SEC14L5: variants seen among roughly 807,000 people sequenced by gnomAD.
SEC14L5 encodes SEC14 like lipid binding 5, also known as SEC14-like protein 5.
A neutral mutation model predicts 84.6 loss-of-function variants in SEC14L5; 96 were observed. The ratio of observed to expected loss-of-function variants is 1.13; its 90% confidence interval spans 0.96 to 1.34. The LOEUF is 1.34. Among genes scored for constraint, SEC14L5 ranks in the 40% most tolerant of loss-of-function variants. The pLI, the probability that SEC14L5 is intolerant of heterozygous loss-of-function variation, is 0.00. For missense variants in SEC14L5, 1,224 were observed against 942.5 expected, an observed-to-expected ratio of 1.30 and a Z score of -3.91; for synonymous variants, 546 against 383.4, an observed-to-expected ratio of 1.42 and a Z score of -4.95.
At chr16:4,970,339 G>T (rs911580124) in intron 2 of SEC14L5, among the ~76,000 whole-genome samples, 1 of 152,130 alleles carries the variant, frequency 6.6e-6, no homozygotes, top group Admixed American at 6.6e-5. Context: ...ATGTTAAGCA[G>T]GGTTTAGCCT....
intron 2 of SEC14L5, among the ~76,000 whole-genome samples, chr16:4,984,484 G>A (rs566406980): frequency 2.0e-5 from 3 of 152,262 alleles, no homozygotes; most frequent in East Asian, 3.9e-4. Flanking sequence ...TACGAATAAT[G>A]TTGCTATAAA....
chr16:4,982,509 A>AC (rs1304467208), intron 2 of SEC14L5, among the ~76,000 whole-genome samples: 1 of 151,388 alleles, frequency 6.6e-6, no homozygotes, highest in Non-Finnish European at 1.5e-5. Flanking sequence ...CCAGCTCTAC[A>AC]CCCCCGCCTG....
intron 14 of SEC14L5, among the ~76,000 whole-genome samples, chr16:5,009,427 G>A (rs149100743): frequency 2.0e-5 from 3 of 152,128 alleles, no homozygotes; most frequent in Non-Finnish European, 4.4e-5. Flanking sequence ...AGGCTCAAGC[G>A]ATCCTCCCAT....
intron 2 of SEC14L5, among the ~76,000 whole-genome samples, chr16:4,981,743 C>A (rs1394466945): frequency 6.6e-6 from 1 of 152,134 alleles, no homozygotes; most frequent in Admixed American, 6.6e-5. Flanking sequence ...ATTAGTGAGC[C>A]TCTCTGGGCA....
chr16:5,009,296 G>A (rs545172579), intron 14 of SEC14L5, among the ~76,000 whole-genome samples: 2 of 152,136 alleles, frequency 1.3e-5, no homozygotes, highest in Admixed American at 1.3e-4. Flanking sequence ...ATCACAGTTA[G>A]GCCCCATCTT....
At chr16:5,008,239 G>A (rs1955755921) in intron 13 of SEC14L5, among the ~76,000 whole-genome samples, 182 bp from the exon 14 acceptor site, 1 of 152,138 alleles carries the variant, frequency 6.6e-6, no homozygotes, top group Non-Finnish European at 1.5e-5. Flanking sequence ...TTATGCCAGT[G>A]ATCTGTTGCA....
intron 2 of SEC14L5, among the ~76,000 whole-genome samples, chr16:4,960,332 C>T (rs975654956): frequency 2.6e-5 from 4 of 152,102 alleles, no homozygotes; most frequent in Admixed American, 6.6e-5. Flanking sequence ...GTTATTACAC[C>T]GAAGTCTTGT....
At chr16:4,995,604 T>C (rs564099541) in intron 6 of SEC14L5, among the ~76,000 whole-genome samples, 1 of 151,860 alleles carries the variant, frequency 6.6e-6, no homozygotes, top group South Asian at 2.1e-4. Context: ...AGGCCTCAGT[T>C]TTATCTTCTC....
At chr16:5,000,618 A>T (rs1011293622) in intron 8 of SEC14L5, 37 bp from the exon 9 acceptor site, 45 of 1,488,242 alleles carry the variant, frequency 3.0e-5, no homozygotes, top group Admixed American at 5.9e-5. Context: ...TCCTCTAAAT[A>T]ACGGGCTCTT....
chr16:5,016,906 T>C lies in SEC14L5; in HGVS notation c.*1936T>C, dbSNP rs899891608. 1.3e-5 allele frequency: 2 copies of C among 152,276 alleles called. No homozygotes were observed. The highest frequency in any genetic ancestry group is 4.8e-5 in the African/African-American group (2 of 41,474). The allele number at this position is 152,276 out of a possible 1,614,324, so 9.4% of individuals were successfully genotyped here. On this transcript the variant is annotated 3_prime_UTR_variant, in exon 16 of 16. Coordinates refer to ENST00000251170, the MANE Select transcript of SEC14L5 (RefSeq NM_014692.2). ...TTTGCACTCTGCGTCAAGGTGTGTG[T>C]GCACATGTGTGCATAAGAGACCGAC...
intron 6 of SEC14L5, among the ~76,000 whole-genome samples, chr16:4,994,928 G>T (rs1038941925): frequency 2.0e-5 from 3 of 152,106 alleles, no homozygotes; most frequent in Non-Finnish European, 2.9e-5. Flanking sequence ...GCCCGGGGCC[G>T]GAAGGATGCT....
chr16:5,010,091 C>G (rs1050392626), intron 14 of SEC14L5, among the ~76,000 whole-genome samples: 15 of 150,896 alleles, frequency 9.9e-5, no homozygotes, highest in African/African-American at 3.7e-4. Context: ...GCCTATAATC[C>G]CAGCACTCTG....
chr16:4,984,409 T>C (rs1955463465), intron 2 of SEC14L5, among the ~76,000 whole-genome samples: 2 of 152,402 alleles, frequency 1.3e-5, no homozygotes, highest in South Asian at 4.1e-4. Context: ...ATTTTATGGC[T>C]AGACCACCAC....
chr16:5,015,303 C>G lies in SEC14L5; in HGVS notation c.*333C>G, dbSNP rs1452800132. 1 of 273,876 alleles carries G rather than the reference C, an allele frequency of 3.7e-6. No individual in the cohort carries two copies. The highest frequency in any genetic ancestry group is 6.9e-6 in the Non-Finnish European group (1 of 144,186). 17.0% of individuals were successfully genotyped at this position (273,876 alleles called of 1,614,324 possible). On this transcript the variant is annotated 3_prime_UTR_variant, in exon 16 of 16. Coordinates refer to ENST00000251170, the MANE Select transcript of SEC14L5 (RefSeq NM_014692.2). ...CCATCTCCTCTCTGTCCACCTCTTG[C>G]TCTGCTTTCGCCATGCAGGGGACCA...
intron 2 of SEC14L5, among the ~76,000 whole-genome samples, chr16:4,982,217 T>C (rs866814359): frequency 6.0e-4 from 90 of 150,200 alleles, no homozygotes; most frequent in African/African-American, 1.5e-3. Context: ...GGCCCCCCCC[T>C]CCCCCCGCCT....
At position 4,996,221 on chromosome 16, in the gene SEC14L5, G is replaced by A. The variant is rs751095836; in HGVS notation, c.668-127G>A. ...TCCGGTGGCTGCTGTCTGGGGCGGG[G>A]GCTTAGCCTGGTTTGGAACCACGTT... On this transcript the variant is annotated intron_variant, in intron 6 of 15. Coordinates refer to ENST00000251170, the MANE Select transcript of SEC14L5 (RefSeq NM_014692.2). 1.8e-5 allele frequency: 11 copies of A among 618,498 alleles called. No homozygotes were observed. The East Asian group carries it at 2.9e-4, about 16-fold the overall frequency. The allele number at this position is 618,498 out of a possible 1,614,324, so 38.3% of individuals were successfully genotyped here.
chr16:5,001,567 C>G (rs560956578), intron 10 of SEC14L5, among the ~76,000 whole-genome samples: 16 of 152,186 alleles, frequency 1.1e-4, no homozygotes, highest in African/African-American at 3.9e-4. Context: ...CCTGACTTTG[C>G]TTTTTGAGAT....
rs968783774 is a variant in SEC14L5 at position 4,989,890 on chromosome 16, T to C, written c.346-877T>C. On this transcript the variant is annotated intron_variant, in intron 4 of 15. Transcript: ENST00000251170. ...AGGGGCAGGCCCAGGAATCTGCATA[T>C]TTTAACAGACTCCTTGGTAATGTTT... 2.6e-5 allele frequency among the ~76,000 whole-genome samples: 4 copies of C among 152,126 alleles called. No homozygotes were observed. The East Asian group carries it at 7.7e-4, about 29-fold the overall frequency.
Position 4,964,556 on chromosome 16 carries a change from C to T in SEC14L5, c.63+5170C>T, listed in dbSNP as rs1399653502. ...CCGAGTTCGCTCCATTGCACTCCAGCCTGGGTGACAGAGTGTGACCCTATC... is the reference window on the plus strand; with the variant it reads ...CCGAGTTCGCTCCATTGCACTCCAGTCTGGGTGACAGAGTGTGACCCTATC... On this transcript the variant is annotated intron_variant, in intron 2 of 15. Transcript: ENST00000251170. 2.0e-5 allele frequency among the ~76,000 whole-genome samples: 3 copies of T among 152,162 alleles called. No individual in the cohort carries two copies. In the East Asian group the frequency reaches 5.8e-4, roughly 29 times the overall value.
Sources: gnomAD v4.1 joint callset for allele counts (sites outside exome capture counted in the v4.1 genomes callset) on GRCh38, gnomAD v4.1.1 for gene constraint, MANE v1.5 for transcripts, NCBI Gene and HGNC (gene_info 2026-07-23, HGNC 2026-07-21) for gene names.